The following CDK6 variants were observed in gnomAD, a reference collection of about 807,000 sequenced individuals.
CDK6 encodes cyclin-dependent kinase 6.
CDK6 carries 6 observed loss-of-function variants against 37.1 expected under a neutral mutation model. That is an observed-to-expected ratio of 0.16 (90% CI 0.09 to 0.32). CDK6 has a LOEUF of 0.32. Ranked by LOEUF, CDK6 falls within the 10% of genes least tolerant of loss-of-function variation. The pLI, the probability that CDK6 is intolerant of heterozygous loss-of-function variation, is 1.00. For missense variants in CDK6, 224 were observed against 418.9 expected (o/e 0.53, Z 4.06); for synonymous variants, 160 against 161.3 (o/e 0.99, Z 0.06).
rs895029670 is a variant in CDK6, at chr7:92,750,843, A to G, written c.369+23853T>C. ...GCAATATAAAAATTTACCTGGCATA[A>G]AGGAAGTTTTTAAAAAAAGGATTTA... On this transcript the variant is annotated intron_variant, in intron 3 of 7. Coordinates refer to ENST00000424848, the MANE Select transcript of CDK6 (RefSeq NM_001145306.2). Among the ~76,000 whole-genome samples the G allele has an allele frequency of 5.3e-5, 8 of 152,256 alleles. No homozygotes were observed. In the South Asian group the frequency reaches 1.7e-3, roughly 32 times the overall value.
chr7:92,799,223 A>C (rs1475191157), intron 2 of CDK6, among the ~76,000 whole-genome samples: 1 of 152,122 alleles, frequency 6.6e-6, no homozygotes, highest in Admixed American at 6.6e-5. Flanking sequence ...GTTATCTATT[A>C]CCAGGTTTCC....
chr7:92,759,055 C>A (rs1239298927), intron 3 of CDK6, among the ~76,000 whole-genome samples: 1 of 152,090 alleles, frequency 6.6e-6, no homozygotes. Context: ...AGCCAACTAT[C>A]CATGTTCTAT....
intron 4 of CDK6, among the ~76,000 whole-genome samples, chr7:92,712,814 C>T (rs1482644126): frequency 6.6e-6 from 1 of 151,838 alleles, no homozygotes; most frequent in African/African-American, 2.4e-5. Flanking sequence ...GTGAGTTTCT[C>T]TCTTCTTTAG....
At chr7:92,798,767 C>T (rs142401601) in intron 2 of CDK6, among the ~76,000 whole-genome samples, 1 of 152,316 alleles carries the variant, frequency 6.6e-6, no homozygotes, top group Admixed American at 6.5e-5. Flanking sequence ...CTCCTGCCCT[C>T]TCTTCCTAAC....
At chr7:92,806,042 A>G (rs1484489002) in intron 2 of CDK6, among the ~76,000 whole-genome samples, 1 of 152,220 alleles carries the variant, frequency 6.6e-6, no homozygotes, top group Non-Finnish European at 1.5e-5. Context: ...ATGTCACCGC[A>G]TTATACATTT....
chr7:92,687,148 A>G (rs1184233584), intron 4 of CDK6, among the ~76,000 whole-genome samples: 2 of 152,200 alleles, frequency 1.3e-5, no homozygotes, highest in Non-Finnish European at 2.9e-5. Context: ...CCTCTGTGAA[A>G]GTCTTCCAGA....
intron 5 of CDK6, among the ~76,000 whole-genome samples, chr7:92,642,016 T>C (rs1796319156): frequency 6.6e-6 from 1 of 152,198 alleles, no homozygotes; most frequent in Non-Finnish European, 1.5e-5. Context: ...ACTGAGTTTC[T>C]TCCTGCTGAC....
chr7:92,774,089 C>T (rs1467942235), intron 3 of CDK6, among the ~76,000 whole-genome samples: 1 of 152,192 alleles, frequency 6.6e-6, no homozygotes, highest in Non-Finnish European at 1.5e-5. Flanking sequence ...AGTCAATATA[C>T]TGCATCTAGT....
At chr7:92,711,799 T>C (rs1798100162) in intron 4 of CDK6, among the ~76,000 whole-genome samples, 2 of 151,532 alleles carry the variant, frequency 1.3e-5, no homozygotes, top group South Asian at 4.2e-4. Flanking sequence ...AACTCCTGGG[T>C]GCAAGCAATC....
chr7:92,801,973 C>T (rs1800589520), intron 2 of CDK6, among the ~76,000 whole-genome samples: 1 of 141,270 alleles, frequency 7.1e-6, no homozygotes, highest in South Asian at 2.5e-4. Context: ...CGTTCTCTCC[C>T]CTTCCCTTCT....
rs1426368784 is a variant in CDK6, at chr7:92,725,313, G to GTACA, written c.537+309_537+312dup. The GTACA allele has an allele frequency of 3.0e-6, 3 of 985,276 alleles. No homozygotes were observed. In the Admixed American group the frequency reaches 1.8e-4, roughly 61 times the overall value. 61.0% of individuals were successfully genotyped at this position (985,276 alleles called of 1,614,324 possible). On this transcript the variant is annotated intron_variant, in intron 4 of 7. Transcript: ENST00000424848. ...TTGAGCTGTGTGTTCCCTAGGCATT[G>GTACA]TACATACAGCTCTGAAAACAGTGGT...
At chr7:92,615,996 T>C (rs1051106334) in intron 7 of CDK6, among the ~76,000 whole-genome samples, 1 of 152,134 alleles carries the variant, frequency 6.6e-6, no homozygotes, top group Admixed American at 6.5e-5. Flanking sequence ...CAGGTAATCT[T>C]GTTACTCAAA....
At chr7:92,686,913 A>G (rs146691408) in intron 4 of CDK6, among the ~76,000 whole-genome samples, 11 of 152,130 alleles carry the variant, frequency 7.2e-5, no homozygotes, top group African/African-American at 2.7e-4. Flanking sequence ...GGCCATTTGT[A>G]TATCTTCTTT....
intron 4 of CDK6, among the ~76,000 whole-genome samples, chr7:92,721,898 C>T (rs1303857007): frequency 6.6e-6 from 1 of 152,048 alleles, no homozygotes; most frequent in African/African-American, 2.4e-5. Flanking sequence ...CCTTAAGATG[C>T]CTGGAAAGCT....
At chr7:92,745,545 G>A (rs1257046128) in intron 3 of CDK6, among the ~76,000 whole-genome samples, 3 of 152,208 alleles carry the variant, frequency 2.0e-5, no homozygotes, top group African/African-American at 7.2e-5. Context: ...GTTTTCAAAG[G>A]CCCATTTGTG....
At chr7:92,680,907 C>T (rs763370505) in intron 4 of CDK6, among the ~76,000 whole-genome samples, 2 of 152,198 alleles carry the variant, frequency 1.3e-5, no homozygotes, top group Non-Finnish European at 1.5e-5. Flanking sequence ...TCTGAGCTTC[C>T]ACTGCACTTC....
chr7:92,775,355 C>T (rs138170895), intron 2 of CDK6, among the ~76,000 whole-genome samples: 1 of 152,194 alleles, frequency 6.6e-6, no homozygotes, highest in South Asian at 2.1e-4. Flanking sequence ...CAGCCCTCAT[C>T]CTGCTGAGTC....
rs945235247 is a variant in CDK6 at position 92,608,866 on chromosome 7, T to C, written c.*6274A>G. The C allele has an allele frequency of 4.3e-6, 1 of 232,158 alleles. No homozygotes were observed. The highest frequency in any genetic ancestry group is 2.2e-5 in the African/African-American group (1 of 45,254). The allele number at this position is 232,158 out of a possible 1,614,324, so 14.4% of individuals were successfully genotyped here. A position where few individuals can be genotyped will look rare whatever the true frequency, so the allele number is the denominator to read the frequency against. On this transcript the variant is annotated 3_prime_UTR_variant, in exon 8 of 8. Coordinates refer to ENST00000424848, the MANE Select transcript of CDK6 (RefSeq NM_001145306.2). ...CCGGCCTCGCCCACTGCCTCTCTCC[T>C]GCCAAAGGGGCGGGGCAACGAGGCA...
At chr7:92,655,474 T>C (rs112774927) in intron 5 of CDK6, among the ~76,000 whole-genome samples, 1 of 152,256 alleles carries the variant, frequency 6.6e-6, no homozygotes, top group Non-Finnish European at 1.5e-5. Flanking sequence ...TATTGCATGC[T>C]GATGCCTAGA....
Sources: allele counts gnomAD v4.1 joint callset (sites outside exome capture counted in the v4.1 genomes callset), GRCh38; gene constraint gnomAD v4.1.1; transcripts MANE v1.5; gene names NCBI Gene and HGNC (gene_info 2026-07-23, HGNC 2026-07-21).